Variants in UGT1A9 observed in about 807,000 individuals in gnomAD.
UGT1A9 encodes UDP-glucuronosyltransferase 1A9.
Under a neutral mutation model 45.0 loss-of-function variants are expected in UGT1A9, and 35 were observed. The observed-to-expected ratio is 0.78, with a 90% CI of 0.59 to 1.03. The LOEUF (loss-of-function observed/expected upper bound fraction) is 1.03. Among genes scored for constraint, UGT1A9 ranks in the 50% least tolerant of loss-of-function variants. The probability of loss-of-function intolerance (pLI) is 0.00; values close to 1 mark genes in which losing one functional copy is unlikely to be tolerated. For missense variants in UGT1A9, 687 were observed against 666.6 expected, an observed-to-expected ratio of 1.03 and a Z score of -0.34; for synonymous variants, 278 against 250.6, an observed-to-expected ratio of 1.11 and a Z score of -1.03.
chr2:233,772,918 G>T lies in UGT1A9; in HGVS notation c.*359G>T. The stretch of plus-strand genomic sequence containing the variant: ...CCCACGGCTGCCCCTACTGCAAATG[G>T]CAGTTTTAATCTTATCTTTTGGCTT... On this transcript the variant is annotated 3_prime_UTR_variant, in exon 5 of 5. Coordinates refer to ENST00000354728, the MANE Select transcript of UGT1A9 (RefSeq NM_021027.3). 5.3e-6 allele frequency: 2 copies of T among 377,338 alleles called. No homozygotes were observed. The highest frequency in any genetic ancestry group is 2.9e-5 in the South Asian group (1 of 34,748). The allele number at this position is 377,338 out of a possible 1,614,324, so 23.4% of individuals were successfully genotyped here.
At chr2:233,693,959 G>T (rs1050258213) in intron 1 of UGT1A9, 2 of 1,582,394 alleles carry the variant, frequency 1.3e-6, no homozygotes, top group African/African-American at 2.7e-5. Context: ...TCCCTTGGAG[G>T]ATTTCCTGGA....
intron 1 of UGT1A9, chr2:233,718,893 T>C (rs1280624543): frequency 6.2e-7 from 1 of 1,613,958 alleles, no homozygotes; most frequent in East Asian, 2.2e-5. Context: ...TGTCCAGCCC[T>C]GGGCTGAGAG....
At position 233,769,083 on chromosome 2, in the gene UGT1A9, A is replaced by G. The variant is rs1376592971; in HGVS notation, c.1295+644A>G. On this transcript the variant is annotated intron_variant, in intron 4 of 4. Coordinates refer to ENST00000354728, the MANE Select transcript of UGT1A9 (RefSeq NM_021027.3). This position sits in a 1 kb window ranked among gnomAD's most constrained non-coding sequence, Gnocchi z 4.4. The stretch of plus-strand genomic sequence containing the variant: ...ACAGAAAGAAATACTCCATTATAAG[A>G]AGCATAGTATCTTTAAGAGAAAAAC... 1.3e-5 allele frequency among the ~76,000 whole-genome samples: 2 copies of G among 152,224 alleles called. No homozygotes were observed. Among genetic ancestry groups the G allele is most frequent in the Non-Finnish European group, 2.9e-5 (2 of 68,046 alleles).
intron 1 of UGT1A9, among the ~76,000 whole-genome samples, chr2:233,674,214 G>A (rs1326960258): frequency 1.3e-5 from 2 of 152,226 alleles, no homozygotes; most frequent in East Asian, 3.9e-4. Flanking sequence ...TGACTGTTCA[G>A]CCAACTCATG....
chr2:233,772,138 AG>A lies in UGT1A9; in HGVS notation c.1296-123del, dbSNP rs1367045628. 6 of 1,548,126 alleles carry A rather than the reference AG, an allele frequency of 3.9e-6. No homozygotes were observed. In the African/African-American group the frequency reaches 8.2e-5, roughly 21 times the overall value. ...TAAAAACAACAACAACAACAATAATAGAAACAGGTTTCCTTTCCCAAGTTTG... is the reference window on the plus strand; with the variant it reads ...TAAAAACAACAACAACAACAATAATAAAACAGGTTTCCTTTCCCAAGTTTG... On this transcript the variant is annotated intron_variant, in intron 4 of 4. Coordinates refer to ENST00000354728, the MANE Select transcript of UGT1A9 (RefSeq NM_021027.3).
At chr2:233,734,048 T>C (rs547388406) in intron 1 of UGT1A9, among the ~76,000 whole-genome samples, 1 of 152,234 alleles carries the variant, frequency 6.6e-6, no homozygotes, top group East Asian at 1.9e-4. Flanking sequence ...ATGGCACATG[T>C]ATACATATGT....
chr2:233,750,987 C>T lies in UGT1A9; in HGVS notation c.856-16047C>T, dbSNP rs140441181. 4.4e-3 allele frequency among the ~76,000 whole-genome samples: 664 copies of T among 151,836 alleles called. 16 individuals are homozygous for T. Among genetic ancestry groups the T allele is most frequent in the African/African-American group, 0.015 (615 of 41,178 alleles). On this transcript the variant is annotated intron_variant, in intron 1 of 4. Transcript: ENST00000354728. ...ACTGCCTAGTGGAGTTGTGAGAAGG[C>T]GGCCACCATCCTCCAGAATCCCAAA...
At chr2:233,683,853 A>G (rs1303148540) in intron 1 of UGT1A9, among the ~76,000 whole-genome samples, 3 of 152,160 alleles carry the variant, frequency 2.0e-5, no homozygotes, top group African/African-American at 7.2e-5. Flanking sequence ...TAAGTATGCA[A>G]TATCATCTGC....
At chr2:233,684,518 A>G (rs2125529272) in intron 1 of UGT1A9, among the ~76,000 whole-genome samples, 1 of 152,328 alleles carries the variant, frequency 6.6e-6, no homozygotes, top group Admixed American at 6.5e-5. Flanking sequence ...TGTAGAAATT[A>G]TATATGATTC....
intron 1 of UGT1A9, among the ~76,000 whole-genome samples, chr2:233,720,963 G>A (rs547406331): frequency 4.6e-4 from 69 of 150,328 alleles, no homozygotes; most frequent in African/African-American, 7.4e-4. Flanking sequence ...TGCCCGCCTC[G>A]GCCTCCCAAA....
At chr2:233,765,695 ATAATAATAATAATAAT>A (rs1033390367) in intron 1 of UGT1A9, among the ~76,000 whole-genome samples, 7 of 145,802 alleles carry the variant, frequency 4.8e-5, no homozygotes, top group Admixed American at 1.4e-4. Flanking sequence ...CTTCAAGTAA[ATAATAATAATAATAAT>A]TAATAATAAT....
At chr2:233,731,284 C>CTTTTTTTTTT (rs78127606) in intron 1 of UGT1A9, among the ~76,000 whole-genome samples, 4 of 139,758 alleles carry the variant, frequency 2.9e-5, no homozygotes, top group Non-Finnish European at 3.2e-5. Context: ...GTTTTTCTTT[C>CTTTTTTTTTT]TTTTTTTTTT....
At chr2:233,727,258 C>T (rs899860562) in intron 1 of UGT1A9, among the ~76,000 whole-genome samples, 1 of 152,158 alleles carries the variant, frequency 6.6e-6, no homozygotes, top group African/African-American at 2.4e-5. Flanking sequence ...GCAGCCCAGA[C>T]CCCTCCTCAT....
chr2:233,716,973 C>T (rs908382461), intron 1 of UGT1A9, among the ~76,000 whole-genome samples: 4 of 152,198 alleles, frequency 2.6e-5, no homozygotes, highest in Non-Finnish European at 2.9e-5. Flanking sequence ...GCTTCTCCCT[C>T]CCCACAGTCC....
intron 1 of UGT1A9, among the ~76,000 whole-genome samples, chr2:233,725,696 T>C (rs1461246019): frequency 6.6e-6 from 1 of 152,258 alleles, no homozygotes; most frequent in Non-Finnish European, 1.5e-5. Context: ...AATAGTCATA[T>C]GTAGTTAGTG....
intron 1 of UGT1A9, among the ~76,000 whole-genome samples, chr2:233,677,048 T>C (rs1433815859): frequency 6.6e-6 from 1 of 152,170 alleles, no homozygotes; most frequent in Non-Finnish European, 1.5e-5. Flanking sequence ...CATTACCATA[T>C]GCATTTTAAA....
intron 1 of UGT1A9, among the ~76,000 whole-genome samples, chr2:233,710,616 A>C (rs1449107430): frequency 1.3e-5 from 2 of 152,084 alleles, no homozygotes; most frequent in African/African-American, 4.8e-5. Flanking sequence ...TTGTCTTCTT[A>C]TATTTGAGTA....
chr2:233,753,719 T>C (rs1290190977), intron 1 of UGT1A9: 1 of 152,208 alleles, frequency 6.6e-6, no homozygotes, highest in Non-Finnish European at 1.5e-5. Flanking sequence ...TCAACCTAAT[T>C]TGATATGCCC....
intron 1 of UGT1A9, among the ~76,000 whole-genome samples, chr2:233,678,281 C>G (rs1334703128): frequency 6.6e-6 from 1 of 152,176 alleles, no homozygotes; most frequent in Non-Finnish European, 1.5e-5. Context: ...CTCAGGTAAC[C>G]TGCACATGTA....
Sources: allele counts gnomAD v4.1 joint callset (sites outside exome capture counted in the v4.1 genomes callset), GRCh38; gene constraint gnomAD v4.1.1; non-coding constraint Gnocchi (gnomAD v3.1); transcripts MANE v1.5; gene names NCBI Gene and HGNC (gene_info 2026-07-23, HGNC 2026-07-21).